The following PPP4R3B variants were observed in gnomAD, a reference collection of about 807,000 sequenced individuals.
PPP4R3B encodes serine/threonine-protein phosphatase 4 regulatory subunit 3B.
PPP4R3B carries 52 observed loss-of-function variants against 95.4 expected under a neutral mutation model. The ratio of observed to expected loss-of-function variants is 0.54; its 90% CI spans 0.44 to 0.69. The LOEUF (loss-of-function observed/expected upper bound fraction) is 0.69, where lower values mean the gene tolerates loss of function less well. Among genes scored for constraint, PPP4R3B ranks in the 30% least tolerant of loss-of-function variants. The pLI is 0.00. For synonymous variants in PPP4R3B, 407 were observed against 343.9 expected (o/e 1.18, Z -2.03); for missense variants, 1,003 against 1,005.9 (o/e 1.00, Z 0.04).
chr2:55,558,376 G>A (rs915525730), intron 16 of PPP4R3B, among the ~76,000 whole-genome samples: 2 of 152,132 alleles, frequency 1.3e-5, no homozygotes, highest in South Asian at 2.1e-4. Flanking sequence ...TTGAGAGGCC[G>A]AGGTGGGCGG....
intron 3 of PPP4R3B, among the ~76,000 whole-genome samples, chr2:55,600,426 C>CAAAAAAA (rs60764774): frequency 0.028 from 617 of 22,190 alleles, 205 homozygotes; most frequent in Admixed American, 0.035. Flanking sequence ...AACTCTGTCT[C>CAAAAAAA]AAAAAAAAAA....
At chr2:55,611,574 A>C (rs1030696251) in intron 2 of PPP4R3B, among the ~76,000 whole-genome samples, 1 of 152,248 alleles carries the variant, frequency 6.6e-6, no homozygotes, top group Non-Finnish European at 1.5e-5. Context: ...CAGTCATATG[A>C]CATTCAGCTT....
chr2:55,595,299 A>G (rs985797276), intron 4 of PPP4R3B, among the ~76,000 whole-genome samples: 1 of 151,638 alleles, frequency 6.6e-6, no homozygotes, highest in South Asian at 2.1e-4. Flanking sequence ...TGCTGGGATT[A>G]CAGGCATGAG....
Position 55,550,523 on chromosome 2 carries a change from G to A in PPP4R3B, c.2455-517C>T, listed in dbSNP as rs113871492. On this transcript the variant is annotated intron_variant, in intron 16 of 16. Coordinates refer to ENST00000616407, the MANE Select transcript of PPP4R3B (RefSeq NM_001122964.3). ...TATAAAATAATAAGTAAAACATTTA[G>A]GGCTAGCTCGCTGACCAAAAGAACA... Among the ~76,000 whole-genome samples the A allele has an allele frequency of 5.3e-3, 809 of 152,214 alleles. 3 individuals carry two copies. The highest frequency in any genetic ancestry group is 0.01 in the Middle Eastern group (3 of 294).
chr2:55,610,580 G>A (rs1276374397), intron 2 of PPP4R3B, among the ~76,000 whole-genome samples: 1 of 151,654 alleles, frequency 6.6e-6, no homozygotes, highest in African/African-American at 2.4e-5. Flanking sequence ...ACTGCTCTAA[G>A]TCTGTGGAAA....
At chr2:55,552,138 T>TA (rs1244758712) in intron 16 of PPP4R3B, among the ~76,000 whole-genome samples, 3 of 152,176 alleles carry the variant, frequency 2.0e-5, no homozygotes, top group Non-Finnish European at 4.4e-5. Context: ...CAAACTAACA[T>TA]ACATTTAAAA....
intron 8 of PPP4R3B, among the ~76,000 whole-genome samples, chr2:55,581,186 G>A (rs1018017577): frequency 1.3e-5 from 2 of 152,264 alleles, no homozygotes; most frequent in Middle Eastern, 3.4e-3. Context: ...CCGAGAGGCG[G>A]AGGTTGCAGT....
At position 55,581,666 on chromosome 2, in the gene PPP4R3B, T is replaced by C; in HGVS notation, c.1266A>G (p.Gln422=). Residue 422 remains glutamine, a synonymous_variant, in exon 8 of 17, where the codon CAA becomes CAG. Coordinates refer to ENST00000616407, the MANE Select transcript of PPP4R3B (RefSeq NM_001122964.3). ...DILLINVVIE[Q]MICDTDPELG... ...GCTCAGGATCAGTATCACAGATCAT[T>C]TGTTCAATTACCACATTAATAAGAA... 1 of 1,613,386 alleles carries C rather than the reference T, an allele frequency of 6.2e-7. No individual in the cohort carries two copies. The highest frequency in any genetic ancestry group is 8.5e-7 in the Non-Finnish European group (1 of 1,179,720).
intron 9 of PPP4R3B, 73 bp downstream of exon 9, chr2:55,579,606 G>C: frequency 1.0e-6 from 1 of 992,800 alleles, no homozygotes; most frequent in Non-Finnish European, 1.4e-6. Context: ...CAAGTAAATT[G>C]CCTGTTAGTT....
At chr2:55,598,171 G>C (rs1025157556) in intron 4 of PPP4R3B, among the ~76,000 whole-genome samples, 3 of 152,172 alleles carry the variant, frequency 2.0e-5, no homozygotes, top group African/African-American at 7.2e-5. Context: ...AGTGAGCTGA[G>C]ATTGCGCCAC....
In PPP4R3B at chr2:55,617,315, C is replaced by A. The variant is rs745648716; in HGVS notation, c.-30G>T. On this transcript the variant is annotated 5_prime_UTR_variant, in exon 1 of 17. Coordinates refer to ENST00000616407, the MANE Select transcript of PPP4R3B (RefSeq NM_001122964.3). ...GCTGCTGTCTCCACCGCTCTAGCCG[C>A]CGCCTCCTCGCTTACCTCGTCCGCG... 18 of 1,554,006 alleles carry A rather than the reference C, an allele frequency of 1.2e-5. No individual in the cohort carries two copies. In the African/African-American group the frequency reaches 2.5e-4, roughly 21 times the overall value.
chr2:55,616,887 C>T (rs1396096720), intron 1 of PPP4R3B, among the ~76,000 whole-genome samples: 5 of 152,138 alleles, frequency 3.3e-5, no homozygotes, highest in Non-Finnish European at 7.4e-5. Context: ...TCACACTCTC[C>T]CCTCTTCAAA....
In PPP4R3B at chr2:55,549,800, C is replaced by A; in HGVS notation, c.*111G>T. On this transcript the variant is annotated 3_prime_UTR_variant, in exon 17 of 17. Transcript: ENST00000616407. ...AGCTGATATACTGTCTTTTGCTACT[C>A]CTTGTATATTTTATAAGTTCAATTG... 1 of 822,790 alleles carries A rather than the reference C, an allele frequency of 1.2e-6. No individual in the cohort carries two copies. Among genetic ancestry groups the A allele is most frequent in the Non-Finnish European group, 2.1e-6 (1 of 485,960 alleles). The allele number at this position is 822,790 out of a possible 1,614,324, so 51.0% of individuals were successfully genotyped here.
Position 55,578,170 on chromosome 2 carries a change from A to G in PPP4R3B, c.1564+77T>C, listed in dbSNP as rs547046895. ...TTAAATTTATAGCAACTTTGAAAACAAGAAAAATAATACCGTATATACACA... is the reference window on the plus strand; with the variant it reads ...TTAAATTTATAGCAACTTTGAAAACGAGAAAAATAATACCGTATATACACA... On this transcript the variant is annotated intron_variant, in intron 10 of 16. Coordinates refer to ENST00000616407, the MANE Select transcript of PPP4R3B (RefSeq NM_001122964.3). 53 of 1,240,064 alleles carry G rather than the reference A, an allele frequency of 4.3e-5. No homozygotes were observed. The South Asian group carries it at 1.8e-3, about 43-fold the overall frequency. 76.8% of individuals were successfully genotyped at this position (1,240,064 alleles called of 1,614,324 possible). A position where few individuals can be genotyped will look rare whatever the true frequency, so the allele number is the denominator to read the frequency against.
rs751993493 is a variant in PPP4R3B, at chr2:55,598,761, G to A, written c.576C>T (p.His192=). 1.2e-5 allele frequency: 20 copies of A among 1,614,096 alleles called. No individual in the cohort carries two copies. In the African/African-American group the frequency reaches 2.7e-4, roughly 22 times the overall value. ...TTCCTCTAATAATTTCATACAAATGGTGTAAGCCTTCAGTGTTTTCTAGGT... is the reference window on the plus strand; with the variant it reads ...TTCCTCTAATAATTTCATACAAATGATGTAAGCCTTCAGTGTTTTCTAGGT... ...CENLENTEGL[H]HLYEIIRGIL... The change falls in exon 4 of 17, where the codon CAC becomes CAT. Residue 192 remains histidine (H), a synonymous_variant. Transcript: ENST00000616407.
chr2:55,589,434 A>AT (rs1487026681), intron 4 of PPP4R3B, among the ~76,000 whole-genome samples: 3 of 152,230 alleles, frequency 2.0e-5, no homozygotes, highest in African/African-American at 7.2e-5. Context: ...TTAAAATACA[A>AT]TAACTCATAA....
Position 55,564,418 on chromosome 2 carries a change from C to T in PPP4R3B, c.2155G>A (p.Glu719Lys), listed in dbSNP as rs780439305. Reference protein sequence around the residue: ...LEEDEEMWFNEDEEEEGKAVV... With the variant: ...LEEDEEMWFNKDEEEEGKAVV... ...GCTTTTCCTTCCTCTTCTTCATCTT[C>T]ATTAAACCACATTTCTTCATCCTCT... is the stretch of plus-strand genomic sequence containing the variant. Residue 719 changes from glutamate to lysine, a missense_variant, in exon 15 of 17, where the codon GAA (glutamate) becomes AAA (lysine). By Grantham distance (56) the Glu-to-Lys change is moderately conservative (BLOSUM62 1). Around this residue, in one of 3 missense-constraint regions of PPP4R3B, gnomAD observed 229 missense variants for 194.7 expected, o/e 1.18. Transcript: ENST00000616407. 11 of 1,613,704 alleles carry T rather than the reference C, an allele frequency of 6.8e-6. No homozygotes were observed. The highest frequency in any genetic ancestry group is 1.3e-5 in the African/African-American group (1 of 74,914).
In PPP4R3B at chr2:55,617,383, C is replaced by A; in HGVS notation, c.-98G>T. On this transcript the variant is annotated 5_prime_UTR_variant, in exon 1 of 17. Transcript: ENST00000616407. ...ACGGTAAAGGCAGTAGTGGCGGTGG[C>A]GGCGGCGGCGGCTTCGGAGAGGCCC... The A allele has an allele frequency of 1.6e-6, 2 of 1,288,474 alleles. No homozygotes were observed. Among genetic ancestry groups the A allele is most frequent in the Non-Finnish European group, 2.0e-6 (2 of 990,142 alleles). 79.8% of individuals were successfully genotyped at this position (1,288,474 alleles called of 1,614,324 possible).
intron 13 of PPP4R3B, among the ~76,000 whole-genome samples, chr2:55,567,626 G>C (rs1687480243): frequency 6.6e-6 from 1 of 152,140 alleles, no homozygotes; most frequent in South Asian, 2.1e-4. Context: ...ATGTTGGCCA[G>C]GCTGGTCACG....
Sources: allele counts gnomAD v4.1 joint callset (sites outside exome capture counted in the v4.1 genomes callset), GRCh38; gene constraint gnomAD v4.1.1; regional missense constraint gnomAD v4.1.1; transcripts MANE v1.5; gene names NCBI Gene and HGNC (gene_info 2026-07-23, HGNC 2026-07-21).